The following CAMSAP1 variants were observed in gnomAD, a reference collection of about 807,000 sequenced individuals.
CAMSAP1 encodes calmodulin regulated spectrin associated protein 1, also known as calmodulin-regulated spectrin-associated protein 1.
CAMSAP1 carries 58 observed loss-of-function variants against 143.5 expected under a neutral mutation model. The ratio of observed to expected loss-of-function variants is 0.40; its 90% CI spans 0.33 to 0.50. The LOEUF (loss-of-function observed/expected upper bound fraction) is 0.50, where lower values mean the gene tolerates loss of function less well. Ranked by LOEUF, CAMSAP1 falls within the 20% of genes least tolerant of loss-of-function variation. The pLI, the probability that CAMSAP1 is intolerant of heterozygous loss-of-function variation, is 0.45. For missense variants in CAMSAP1, 1,969 were observed against 2,115.7 expected, an observed-to-expected ratio of 0.93 and a Z score of 1.36; for synonymous variants, 945 against 859.3, an observed-to-expected ratio of 1.10 and a Z score of -1.74.
chr9:135,849,869 C>A, intron 7 of CAMSAP1: 6 of 266,712 alleles, frequency 2.2e-5, no homozygotes, highest in East Asian at 6.5e-5. Flanking sequence ...TTTTTTTTTT[C>A]AGTTTGTTCA....
intron 1 of CAMSAP1, among the ~76,000 whole-genome samples, chr9:135,887,530 G>A (rs1838163898): frequency 1.3e-5 from 2 of 152,244 alleles, no homozygotes; most frequent in Admixed American, 6.5e-5. Context: ...CAATGGGAGA[G>A]GCTGAAGAGG....
chr9:135,877,643 T>C (rs1837799120), intron 3 of CAMSAP1, among the ~76,000 whole-genome samples: 1 of 151,996 alleles, frequency 6.6e-6, no homozygotes, highest in Non-Finnish European at 1.5e-5. Context: ...CCATCTCTAA[T>C]TAAAAAAAAT....
chr9:135,865,424 G>T, intron 4 of CAMSAP1: 1 of 1,510,396 alleles, frequency 6.6e-7, no homozygotes, highest in Non-Finnish European at 9.0e-7. Flanking sequence ...AGGTCCACGT[G>T]TGGACGAGGT....
intron 1 of CAMSAP1, among the ~76,000 whole-genome samples, chr9:135,906,615 G>C (rs1056233948): frequency 6.6e-6 from 1 of 152,254 alleles, no homozygotes; most frequent in African/African-American, 2.4e-5. Flanking sequence ...TCCAGCACTG[G>C]ACGATGCCCG....
chr9:135,837,242 T>C (rs1052656655), intron 7 of CAMSAP1, among the ~76,000 whole-genome samples: 3 of 144,262 alleles, frequency 2.1e-5, no homozygotes, highest in African/African-American at 7.8e-5. Flanking sequence ...ACACACATCA[T>C]GCACTTTCTA....
At chr9:135,901,151 G>C (rs1207467408) in intron 1 of CAMSAP1, among the ~76,000 whole-genome samples, 1 of 152,202 alleles carries the variant, frequency 6.6e-6, no homozygotes, top group African/African-American at 2.4e-5. Flanking sequence ...CATCGTTCCT[G>C]TGTCTGGGCT....
At chr9:135,862,955 C>G (rs1011930449) in intron 4 of CAMSAP1, among the ~76,000 whole-genome samples, 1 of 152,078 alleles carries the variant, frequency 6.6e-6, no homozygotes, top group African/African-American at 2.4e-5. Context: ...TACCGAAAGC[C>G]GACGTACTAG....
At position 135,822,569 on chromosome 9, in the gene CAMSAP1, C is replaced by A. The variant is rs762442501; in HGVS notation, c.2092G>T (p.Asp698Tyr). The change falls in exon 11 of 17, where the codon GAT becomes TAT. Residue 698 changes from aspartate (D) to tyrosine (Y), a missense_variant. This residue lies in a region of CAMSAP1 where 1,390 missense variants were observed against 1,420.8 expected (regional missense o/e 0.98). Coordinates refer to ENST00000389532, the MANE Select transcript of CAMSAP1 (RefSeq NM_015447.4). This position sits in a 1 kb window ranked among gnomAD's most constrained non-coding sequence, Gnocchi z 6.1. ...FDPFPQGPSTDGFFLHVGRAD... is the reference protein window; with the variant it reads ...FDPFPQGPSTYGFFLHVGRAD... The stretch of plus-strand genomic sequence containing the variant: ...CTGCCTACATGAAGGAAGAAGCCAT[C>A]CGTGGATGGTCCCTGGGGGAACGGA... The A allele has an allele frequency of 5.0e-6, 8 of 1,613,638 alleles. No homozygotes were observed. The highest frequency in any genetic ancestry group is 6.8e-6 in the Non-Finnish European group (8 of 1,179,868).
At position 135,889,324 on chromosome 9, in the gene CAMSAP1, T is replaced by C. The variant is rs148954277; in HGVS notation, c.161-6246A>G. On this transcript the variant is annotated intron_variant, in intron 1 of 16. Coordinates refer to ENST00000389532, the MANE Select transcript of CAMSAP1 (RefSeq NM_015447.4). ...GGACCCACGGCCTCCAAATACAATA[T>C]TGCAAATGCCCAACACACAACCCAA... 1.6e-4 allele frequency among the ~76,000 whole-genome samples: 24 copies of C among 152,078 alleles called. No homozygotes were observed. In the East Asian group the frequency reaches 2.7e-3, roughly 17 times the overall value.
At chr9:135,881,481 A>G in intron 3 of CAMSAP1, among the ~76,000 whole-genome samples, 152 bp downstream of exon 3, 1 of 152,280 alleles carries the variant, frequency 6.6e-6, no homozygotes, top group East Asian at 1.9e-4. Flanking sequence ...CTTCTTTTTA[A>G]CTACAGCAGA....
intron 7 of CAMSAP1, among the ~76,000 whole-genome samples, chr9:135,847,116 G>C (rs1239640332): frequency 2.0e-5 from 3 of 152,094 alleles, no homozygotes; most frequent in Non-Finnish European, 4.4e-5. Context: ...GGGAGGCTGA[G>C]GCGGGTGGAT....
Position 135,881,620 on chromosome 9 carries a change from G to A in CAMSAP1, c.585+13C>T. On this transcript the variant is annotated intron_variant, in intron 3 of 16. Transcript: ENST00000389532. ...AAGCAGAGTCACACACCACATCTAG[G>A]CAGGGCACTCACCTTGTTGATCCAG... The A allele has an allele frequency of 6.4e-7, 1 of 1,551,624 alleles. No individual in the cohort carries two copies. Among genetic ancestry groups the A allele is most frequent in the Non-Finnish European group, 8.7e-7 (1 of 1,146,968 alleles).
At position 135,821,348 on chromosome 9, in the gene CAMSAP1, C is replaced by T. The variant is rs1210897729; in HGVS notation, c.3313G>A (p.Ala1105Thr). The change falls in exon 11 of 17, where the codon GCG becomes ACG. Residue 1105 changes from alanine to threonine, a missense_variant. Physicochemically the swap from Ala to Thr is moderately conservative, Grantham distance 58. This residue lies in a region of CAMSAP1 where 1,390 missense variants were observed against 1,420.8 expected (regional missense o/e 0.98). Coordinates refer to ENST00000389532, the MANE Select transcript of CAMSAP1 (RefSeq NM_015447.4). This position sits in a 1 kb window ranked among gnomAD's most constrained non-coding sequence, Gnocchi z 4.6. ...CTGTCTTTTGGGACCTTCAGCTCCG[C>T]CGGCCTTCCGGAACGGGAATTCCGG... Reference protein sequence around the residue: ...QGRNSRSGRPAELKVPKDRPQ... With the variant: ...QGRNSRSGRPTELKVPKDRPQ... 1.2e-6 allele frequency: 2 copies of T among 1,613,716 alleles called. No homozygotes were observed. Among genetic ancestry groups the T allele is most frequent in the Non-Finnish European group, 8.5e-7 (1 of 1,179,822 alleles).
intron 8 of CAMSAP1, among the ~76,000 whole-genome samples, chr9:135,825,355 C>G (rs948340041): frequency 6.6e-6 from 1 of 152,164 alleles, no homozygotes; most frequent in African/African-American, 2.4e-5. Flanking sequence ...CCATCACAGA[C>G]GGCAGCATGA....
intron 7 of CAMSAP1, among the ~76,000 whole-genome samples, chr9:135,843,930 A>G (rs1328431205): frequency 6.6e-6 from 1 of 151,830 alleles, no homozygotes; most frequent in Non-Finnish European, 1.5e-5. Context: ...GTATGCCCCC[A>G]ATAGAGGAGC....
At chr9:135,869,800 G>A (rs1272023172) in intron 3 of CAMSAP1, among the ~76,000 whole-genome samples, 1 of 152,146 alleles carries the variant, frequency 6.6e-6, no homozygotes, top group Admixed American at 6.5e-5. Flanking sequence ...ACTGATAAAT[G>A]AATAAACAAA....
chr9:135,827,006 T>C (rs1835698851), intron 8 of CAMSAP1, among the ~76,000 whole-genome samples: 1 of 152,220 alleles, frequency 6.6e-6, no homozygotes, highest in Admixed American at 6.5e-5. Flanking sequence ...AAACAAATTC[T>C]CTTCTTTGAA....
In CAMSAP1 at chr9:135,821,168, G is replaced by C; in HGVS notation, c.3493C>G (p.Leu1165Val). Residue 1165 changes from leucine to valine, a missense_variant, in exon 11 of 17, where the codon CTC (leucine) becomes GTC (valine). By Grantham distance (32) the Leu-to-Val change is conservative. Transcript: ENST00000389532. The surrounding 1 kb of genome is among the most constrained non-coding windows in gnomAD (Gnocchi z 4.6). ...TCATGGAGCCTGTAACTGTCGAAGA[G>C]ACACTTCCCATGTGGGTCACCACTG... The part of the protein sequence containing the change: ...EPSGDPHGKC[L>V]FDSYRLHDES... The C allele has an allele frequency of 1.2e-6, 2 of 1,611,308 alleles. No individual in the cohort carries two copies. Among genetic ancestry groups the C allele is most frequent in the Non-Finnish European group, 1.7e-6 (2 of 1,179,878 alleles).
chr9:135,843,926 C>T (rs1314490761), intron 7 of CAMSAP1, among the ~76,000 whole-genome samples: 5 of 151,684 alleles, frequency 3.3e-5, no homozygotes, highest in Non-Finnish European at 7.4e-5. Context: ...ATCTGTATGC[C>T]CCCAATAGAG....
Sources: gnomAD v4.1 joint callset for allele counts (sites outside exome capture counted in the v4.1 genomes callset) on GRCh38, gnomAD v4.1.1 for gene constraint, gnomAD v4.1.1 regional missense constraint, Gnocchi (gnomAD v3.1) non-coding constraint, MANE v1.5 for transcripts, NCBI Gene and HGNC (gene_info 2026-07-23, HGNC 2026-07-21) for gene names.